The following LRMDA variants were observed in gnomAD, a reference collection of about 807,000 sequenced individuals.
The protein encoded by LRMDA is leucine-rich melanocyte differentiation-associated protein.
Under a neutral mutation model 29.8 loss-of-function variants are expected in LRMDA, and 18 were observed. That is an observed-to-expected ratio of 0.60 (90% CI 0.42 to 0.90). The LOEUF (loss-of-function observed/expected upper bound fraction) is 0.90. Among genes scored for constraint, LRMDA ranks in the 40% least tolerant of loss-of-function variants. The pLI, the probability that LRMDA is intolerant of heterozygous loss-of-function variation, is 0.00. For synonymous variants in LRMDA, 125 were observed against 109.4 expected (o/e 1.14, Z -0.89); for missense variants, 273 against 273.9 (o/e 1.00, Z 0.02).
At chr10:76,116,650 T>C (rs1481520120) in intron 5 of LRMDA, among the ~76,000 whole-genome samples, 1 of 152,194 alleles carries the variant, frequency 6.6e-6, no homozygotes, top group East Asian at 1.9e-4. Flanking sequence ...TCAGTTGAAA[T>C]GGAGTCTCAT....
At chr10:75,660,996 C>T (rs1353735584) in intron 2 of LRMDA, among the ~76,000 whole-genome samples, 2 of 152,130 alleles carry the variant, frequency 1.3e-5, no homozygotes, top group African/African-American at 4.8e-5. Context: ...ACACAATCAA[C>T]GCCAGCGGGA....
intron 2 of LRMDA, among the ~76,000 whole-genome samples, chr10:75,893,494 A>G (rs1845530244): frequency 1.3e-5 from 2 of 152,238 alleles, no homozygotes; most frequent in Non-Finnish European, 2.9e-5. Flanking sequence ...AATAATGCTT[A>G]GTATTAGTTT....
chr10:76,199,542 G>A (rs1851390642), intron 5 of LRMDA, among the ~76,000 whole-genome samples: 1 of 152,204 alleles, frequency 6.6e-6, no homozygotes, highest in African/African-American at 2.4e-5. Context: ...CAGCAAGTAT[G>A]TGCTACGTGG....
At chr10:75,797,582 C>G (rs1287651521) in intron 2 of LRMDA, among the ~76,000 whole-genome samples, 1 of 152,120 alleles carries the variant, frequency 6.6e-6, no homozygotes, top group South Asian at 2.1e-4. Flanking sequence ...ATAACCAAAA[C>G]AAGTTACTGT....
intron 2 of LRMDA, among the ~76,000 whole-genome samples, chr10:76,020,457 TC>T (rs1040868763): frequency 6.6e-6 from 1 of 152,220 alleles, no homozygotes; most frequent in African/African-American, 2.4e-5. Context: ...TTGAGTGCTT[TC>T]TGGTTTGCCA....
At chr10:76,250,006 A>G (rs1852446106) in intron 5 of LRMDA, among the ~76,000 whole-genome samples, 1 of 152,114 alleles carries the variant, frequency 6.6e-6, no homozygotes, top group African/African-American at 2.4e-5. Flanking sequence ...AGGTTTCGCC[A>G]TGTTGGCCAC....
At chr10:76,450,961 GCTC>G (rs1842399667) in intron 6 of LRMDA, among the ~76,000 whole-genome samples, 2 of 152,174 alleles carry the variant, frequency 1.3e-5, no homozygotes, top group Admixed American at 6.5e-5. Flanking sequence ...ACATGGAAGA[GCTC>G]CTATTCTAGA....
chr10:76,109,809 C>T (rs74457283), intron 5 of LRMDA, among the ~76,000 whole-genome samples: 4 of 152,108 alleles, frequency 2.6e-5, no homozygotes, highest in East Asian at 1.9e-4. Context: ...TCTTCTTTTT[C>T]GAAGCACAGT....
intron 2 of LRMDA, among the ~76,000 whole-genome samples, chr10:76,029,240 C>T (rs934621120): frequency 6.6e-6 from 1 of 152,154 alleles, no homozygotes; most frequent in Admixed American, 6.5e-5. Flanking sequence ...ATCTGTATTA[C>T]ATTTTATTGA....
chr10:75,757,186 C>T lies in LRMDA; in HGVS notation c.132-278822C>T, dbSNP rs75173744. Among the ~76,000 whole-genome samples the T allele has an allele frequency of 1.8e-3, 272 of 152,310 alleles. 2 individuals are homozygous for T. Among genetic ancestry groups the T allele is most frequent in the Non-Finnish European group, 1.3e-3 (90 of 68,028 alleles). ...TAGCACAATAGAAGTTTATTTCTCA[C>T]GTAAAATCCCTCTCCTTTATCCTTC... On this transcript the variant is annotated intron_variant, in intron 2 of 6. Coordinates refer to ENST00000611255, the MANE Select transcript of LRMDA (RefSeq NM_001305581.2).
At chr10:76,039,570 C>T (rs1345586262) in intron 3 of LRMDA, among the ~76,000 whole-genome samples, 1 of 152,182 alleles carries the variant, frequency 6.6e-6, no homozygotes. Flanking sequence ...GGTTCCTAGA[C>T]CCTGGACACT....
At chr10:76,225,901 G>C (rs982589573) in intron 5 of LRMDA, among the ~76,000 whole-genome samples, 57 of 77,958 alleles carry the variant, frequency 7.3e-4, no homozygotes, top group African/African-American at 3.1e-3. Flanking sequence ...AACAGCCCCC[G>C]GTGTGTGATG....
chr10:76,363,416 A>G (rs1410500625), intron 6 of LRMDA, among the ~76,000 whole-genome samples: 1 of 152,174 alleles, frequency 6.6e-6, no homozygotes, highest in Non-Finnish European at 1.5e-5. Flanking sequence ...TCTATAGAAA[A>G]TTCAGTGGAA....
intron 2 of LRMDA, among the ~76,000 whole-genome samples, chr10:75,584,323 T>C (rs1048870443): frequency 6.6e-6 from 1 of 152,134 alleles, no homozygotes; most frequent in African/African-American, 2.4e-5. Context: ...ACCTCCCCCC[T>C]AGAAAAAACT....
intron 2 of LRMDA, among the ~76,000 whole-genome samples, chr10:75,536,919 A>G (rs935944416): frequency 1.3e-5 from 2 of 152,026 alleles, no homozygotes; most frequent in Non-Finnish European, 2.9e-5. Context: ...GAGAACTTTG[A>G]GGACAAAAAC....
chr10:75,441,676 T>A (rs1432403905), intron 2 of LRMDA, among the ~76,000 whole-genome samples: 1 of 152,176 alleles, frequency 6.6e-6, no homozygotes, highest in African/African-American at 2.4e-5. Context: ...TTTCCAGAGC[T>A]ATCCTCAGAA....
intron 2 of LRMDA, among the ~76,000 whole-genome samples, chr10:75,980,210 A>G: frequency 6.6e-6 from 1 of 152,120 alleles, no homozygotes; most frequent in South Asian, 2.1e-4. Flanking sequence ...AATGTCTCCT[A>G]GGTTATTCTT....
chr10:76,233,810 T>C (rs1172411684), intron 5 of LRMDA, among the ~76,000 whole-genome samples: 1 of 152,208 alleles, frequency 6.6e-6, no homozygotes, highest in African/African-American at 2.4e-5. Context: ...TTCAGTCCTA[T>C]CTTCAGGCTT....
chr10:75,809,233 G>A (rs1041964229), intron 2 of LRMDA, among the ~76,000 whole-genome samples: 1 of 152,182 alleles, frequency 6.6e-6, no homozygotes, highest in Non-Finnish European at 1.5e-5. Context: ...TGCACTCTTA[G>A]CGTCAGTGAT....
Sources: gnomAD v4.1 joint callset for allele counts (sites outside exome capture counted in the v4.1 genomes callset) on GRCh38, gnomAD v4.1.1 for gene constraint, MANE v1.5 for transcripts, NCBI Gene and HGNC (gene_info 2026-07-23, HGNC 2026-07-21) for gene names.